The following SPATA31H1 variants were observed in gnomAD, a reference collection of about 807,000 sequenced individuals.
SPATA31H1 encodes the protein spermatogenesis-associated protein 31H1.
the SPATA31H1 span, among the ~76,000 whole-genome samples, chr2:27,543,712 T>A: frequency 6.6e-6 from 1 of 151,850 alleles, no homozygotes; most frequent in Non-Finnish European, 1.5e-5. Flanking sequence ...AAAAAGTGTG[T>A]CTCAACCCCT....
chr2:27,571,543 T>C, the SPATA31H1 span: 2 of 398,468 alleles, frequency 5.0e-6, no homozygotes, highest in African/African-American at 2.1e-5. Flanking sequence ...CTGCAAGATA[T>C]GAAAACTGCT....
At chr2:27,567,717 C>T in the SPATA31H1 span, 1 of 399,930 alleles carries the variant, frequency 2.5e-6, no homozygotes, top group African/African-American at 2.1e-5. Flanking sequence ...TGTGCTAGAG[C>T]TTAGTATAGA....
chr2:27,578,932 T>C, the SPATA31H1 span: 15 of 1,613,990 alleles, frequency 9.3e-6, no homozygotes, highest in South Asian at 1.5e-4. Flanking sequence ...CCTACTATGA[T>C]ACAATCTTTA....
At chr2:27,576,113 G>C in the SPATA31H1 span, 4 of 400,424 alleles carry the variant, frequency 1.0e-5, no homozygotes, top group Non-Finnish European at 1.8e-5. Flanking sequence ...GGCTAAAATT[G>C]CAATGTATAG....
the SPATA31H1 span, among the ~76,000 whole-genome samples, chr2:27,550,883 CTTTTCT>C: frequency 1.3e-4 from 20 of 151,126 alleles, no homozygotes; most frequent in African/African-American, 4.9e-4. Flanking sequence ...TGTTTATTTT[CTTTTCT>C]TTTTCTTCTT....
the SPATA31H1 span, chr2:27,570,812 A>C: frequency 2.0e-5 from 8 of 398,938 alleles, no homozygotes; most frequent in African/African-American, 1.4e-4. Context: ...AATATGTAGC[A>C]GGCAACCAAG....
the SPATA31H1 span, chr2:27,576,294 G>C: frequency 2.3e-6 from 1 of 433,654 alleles, no homozygotes; most frequent in Middle Eastern, 5.9e-4. Context: ...ACTGACTCCA[G>C]GGACAAAATT....
chr2:27,562,589 A>G, the SPATA31H1 span, among the ~76,000 whole-genome samples: 2 of 149,522 alleles, frequency 1.3e-5, no homozygotes, highest in East Asian at 1.9e-4. Flanking sequence ...AATTATATAT[A>G]TATATAATTT....
At chr2:27,571,586 G>A in the SPATA31H1 span, 1 of 398,476 alleles carries the variant, frequency 2.5e-6, no homozygotes, top group Non-Finnish European at 4.4e-6. Flanking sequence ...TGCAAGGTGA[G>A]TCTATGGCTT....
the SPATA31H1 span, among the ~76,000 whole-genome samples, chr2:27,548,716 T>C: frequency 6.6e-6 from 1 of 151,864 alleles, no homozygotes; most frequent in Non-Finnish European, 1.5e-5. Context: ...CTCTTAAGTG[T>C]CTTCTAATCT....
At chr2:27,577,112 G>A in the SPATA31H1 span, 1 of 1,614,162 alleles carries the variant, frequency 6.2e-7, no homozygotes, top group Non-Finnish European at 8.5e-7. This position sits in a 1 kb window ranked among gnomAD's most constrained non-coding sequence, Gnocchi z 4.5. Context: ...AATCTGTGGG[G>A]TTGACCCCAA....
the SPATA31H1 span, among the ~76,000 whole-genome samples, chr2:27,548,069 C>T: frequency 6.7e-6 from 1 of 149,728 alleles, no homozygotes; most frequent in South Asian, 2.1e-4. Context: ...GCAAGCTCCA[C>T]CTCCTGGGTT....
chr2:27,569,276 T>C, the SPATA31H1 span: 2 of 398,788 alleles, frequency 5.0e-6, no homozygotes. Context: ...TGAAGTTTGT[T>C]TACTGCAATC....
chr2:27,570,915 T>C, the SPATA31H1 span: 1 of 398,736 alleles, frequency 2.5e-6, no homozygotes, highest in Non-Finnish European at 4.4e-6. Flanking sequence ...TGGGCCACAG[T>C]TGCCCAGTGT....
chr2:27,564,203 G>GT, the SPATA31H1 span, among the ~76,000 whole-genome samples: 4 of 152,190 alleles, frequency 2.6e-5, no homozygotes, highest in Non-Finnish European at 4.4e-5. Flanking sequence ...CAGAGAAGGT[G>GT]TTTTTTGTTT....
At chr2:27,537,486 G>T in the SPATA31H1 span, 1 of 717,394 alleles carries the variant, frequency 1.4e-6, no homozygotes, top group South Asian at 1.5e-5. Context: ...TTCTATTATT[G>T]TTTGTTTTTT....
the SPATA31H1 span, among the ~76,000 whole-genome samples, chr2:27,550,753 C>G: frequency 1.3e-5 from 2 of 151,752 alleles, no homozygotes; most frequent in South Asian, 2.1e-4. Context: ...TTTCATGTCT[C>G]TATGTGAGAT....
the SPATA31H1 span, among the ~76,000 whole-genome samples, chr2:27,551,101 G>T: frequency 6.6e-6 from 1 of 151,954 alleles, no homozygotes; most frequent in East Asian, 1.9e-4. Context: ...AGTTGGACAG[G>T]CTGGTCTCGA....
At chr2:27,578,381 T>G in the SPATA31H1 span, 2 of 1,614,010 alleles carry the variant, frequency 1.2e-6, no homozygotes, top group Non-Finnish European at 1.7e-6. Flanking sequence ...TCGTAAAATC[T>G]GAGGAGTTAG....
Sources: allele counts gnomAD v4.1 joint callset (sites outside exome capture counted in the v4.1 genomes callset), GRCh38; gene constraint gnomAD v4.1.1; non-coding constraint Gnocchi (gnomAD v3.1); transcripts MANE v1.5; gene names NCBI Gene and HGNC (gene_info 2026-07-23, HGNC 2026-07-21).